Variants in SLC39A11 observed in about 807,000 individuals in gnomAD.
SLC39A11 encodes solute carrier family 39 member 11.
SLC39A11 carries 33 observed loss-of-function variants against 36.1 expected under a neutral mutation model. That is an observed-to-expected ratio of 0.91 (90% CI 0.69 to 1.22). SLC39A11 has a LOEUF of 1.22. SLC39A11 is among the 50% of genes most tolerant of loss of function. The probability of loss-of-function intolerance (pLI) is 0.00; values close to 1 mark genes in which losing one functional copy is unlikely to be tolerated. For missense variants in SLC39A11, 432 were observed against 430.3 expected (o/e 1.00, Z -0.03); for synonymous variants, 166 against 170.3 (o/e 0.97, Z 0.20).
intron 5 of SLC39A11, among the ~76,000 whole-genome samples, chr17:72,892,244 C>T (rs1376659571): frequency 9.1e-6 from 1 of 110,202 alleles, no homozygotes; most frequent in Non-Finnish European, 1.7e-5. Context: ...CCTGTCTCTA[C>T]TAAAAGTAAA....
intron 4 of SLC39A11, among the ~76,000 whole-genome samples, chr17:73,002,658 C>T (rs1266818404): frequency 1.3e-5 from 2 of 152,210 alleles, no homozygotes; most frequent in African/African-American, 2.4e-5. Context: ...ACTAAAGATG[C>T]AAACTGTGTG....
chr17:72,733,315 C>T (rs1478966049), intron 7 of SLC39A11, among the ~76,000 whole-genome samples: 3 of 152,214 alleles, frequency 2.0e-5, no homozygotes, highest in Non-Finnish European at 2.9e-5. Flanking sequence ...CTGATCTCAC[C>T]ATGTTACTGG....
intron 7 of SLC39A11, among the ~76,000 whole-genome samples, chr17:72,685,981 A>AGCTAT (rs1329203544): frequency 6.6e-6 from 1 of 151,828 alleles, no homozygotes; most frequent in African/African-American, 2.4e-5. Context: ...GATTGCAGTG[A>AGCTAT]GCTATGATCC....
In SLC39A11 at chr17:72,824,648, G is replaced by A. The variant is rs971180223; in HGVS notation, c.601+24986C>T. Among the ~76,000 whole-genome samples the A allele has an allele frequency of 4.0e-5, 6 of 151,246 alleles. 1 individual carries two copies. The highest frequency in any genetic ancestry group is 7.4e-5 in the Non-Finnish European group (5 of 67,542). ...GTGACCAAAATGCTGATAGTGATACGGACAATGAAGTCCAGGCTGAAGTGG... is the reference window on the plus strand; with the variant it reads ...GTGACCAAAATGCTGATAGTGATACAGACAATGAAGTCCAGGCTGAAGTGG... On this transcript the variant is annotated intron_variant, in intron 6 of 9. Coordinates refer to ENST00000255559, the MANE Select transcript of SLC39A11 (RefSeq NM_139177.4).
At chr17:72,753,132 A>G (rs1337586411) in intron 6 of SLC39A11, among the ~76,000 whole-genome samples, 2 of 152,246 alleles carry the variant, frequency 1.3e-5, no homozygotes, top group Non-Finnish European at 2.9e-5. Context: ...TGCTGGGATT[A>G]CAGGCATGAG....
chr17:72,978,571 G>A (rs2088042316), intron 4 of SLC39A11, among the ~76,000 whole-genome samples: 1 of 152,086 alleles, frequency 6.6e-6, no homozygotes, highest in Non-Finnish European at 1.5e-5. Flanking sequence ...CAGAGAAAAG[G>A]AATAGCAGAT....
At chr17:72,710,593 AC>A (rs1460116856) in intron 7 of SLC39A11, among the ~76,000 whole-genome samples, 1 of 152,222 alleles carries the variant, frequency 6.6e-6, no homozygotes, top group Admixed American at 6.5e-5. Context: ...TTGATCTTGG[AC>A]TTTACAGCCT....
chr17:73,037,926 C>G (rs1361261510), intron 3 of SLC39A11, among the ~76,000 whole-genome samples: 1 of 152,198 alleles, frequency 6.6e-6, no homozygotes, highest in African/African-American at 2.4e-5. Flanking sequence ...ATTTCAATAG[C>G]AAAAGAAAAC....
In SLC39A11 at chr17:72,848,084, C is replaced by T. The variant is rs148484368; in HGVS notation, c.601+1550G>A. 1.6e-4 allele frequency among the ~76,000 whole-genome samples: 25 copies of T among 152,302 alleles called. No individual in the cohort carries two copies. In the East Asian group the frequency reaches 3.1e-3, roughly 19 times the overall value. On this transcript the variant is annotated intron_variant, in intron 6 of 9. Coordinates refer to ENST00000255559, the MANE Select transcript of SLC39A11 (RefSeq NM_139177.4). Reference sequence around the variant, plus strand: ...AGGAGTATCATCGATGCCAACAATGCGCTCGTAAGTCCCAAGCACTGTACT... The same window carrying T: ...AGGAGTATCATCGATGCCAACAATGTGCTCGTAAGTCCCAAGCACTGTACT...
In SLC39A11 at chr17:72,959,925, C is replaced by T. The variant is rs191876397; in HGVS notation, c.307-12050G>A. Among the ~76,000 whole-genome samples, 229 of 152,268 alleles carry T rather than the reference C, an allele frequency of 1.5e-3. 2 individuals are homozygous for T. The highest frequency in any genetic ancestry group is 6.8e-3 in the Middle Eastern group (2 of 294). ...CACAATTTCCCAGAGTTCCCTGCTT[C>T]GTGAGATGCTCCAAGGGAAAGATTC... On this transcript the variant is annotated intron_variant, in intron 4 of 9. Transcript: ENST00000255559.
rs1397020487 is a variant in SLC39A11 at position 72,905,077 on chromosome 17, G to A, written c.430+42675C>T. Among the ~76,000 whole-genome samples, 4 of 145,300 alleles carry A rather than the reference G, an allele frequency of 2.8e-5. No individual in the cohort carries two copies. The East Asian group carries it at 8.6e-4, about 31-fold the overall frequency. Reference sequence around the variant, plus strand: ...AGTCCCAGCTACTTGGGAGGCTGAGGCAGAAGAATGGCATGAACCCGGGAA... The same window carrying A: ...AGTCCCAGCTACTTGGGAGGCTGAGACAGAAGAATGGCATGAACCCGGGAA... On this transcript the variant is annotated intron_variant, in intron 5 of 9. Coordinates refer to ENST00000255559, the MANE Select transcript of SLC39A11 (RefSeq NM_139177.4).
chr17:72,845,477 G>A (rs1039950235), intron 6 of SLC39A11, among the ~76,000 whole-genome samples: 1 of 152,196 alleles, frequency 6.6e-6, no homozygotes, highest in African/African-American at 2.4e-5. Context: ...CAAATTCAAG[G>A]ACATCTCAAG....
At chr17:73,045,386 TAAAAAAA>T (rs374832995) in intron 3 of SLC39A11, among the ~76,000 whole-genome samples, 5 of 41,704 alleles carry the variant, frequency 1.2e-4, no homozygotes, top group South Asian at 2.1e-3. Flanking sequence ...AAAACAGAGT[TAAAAAAA>T]AAAAAAAAAA....
intron 6 of SLC39A11, among the ~76,000 whole-genome samples, chr17:72,765,630 G>A (rs2075733291): frequency 6.6e-6 from 1 of 152,188 alleles, no homozygotes; most frequent in East Asian, 1.9e-4. Context: ...GGTCCAGGGA[G>A]CTGGGCTGGA....
intron 7 of SLC39A11, among the ~76,000 whole-genome samples, chr17:72,731,773 C>T (rs1354079709): frequency 6.6e-6 from 1 of 151,984 alleles, no homozygotes; most frequent in East Asian, 1.9e-4. Context: ...GTTGCCCAGG[C>T]TGGAATGCAA....
At chr17:72,862,522 T>C (rs1313191397) in intron 5 of SLC39A11, among the ~76,000 whole-genome samples, 1 of 152,114 alleles carries the variant, frequency 6.6e-6, no homozygotes, top group Non-Finnish European at 1.5e-5. Flanking sequence ...CTGTTCCTAC[T>C]TAGACAAGGA....
At chr17:73,060,389 A>G (rs564342314) in intron 3 of SLC39A11, among the ~76,000 whole-genome samples, 1 of 152,196 alleles carries the variant, frequency 6.6e-6, no homozygotes, top group Admixed American at 6.5e-5. Context: ...TAACTATAGA[A>G]AACTATTAAA....
At chr17:72,802,004 G>A (rs191706267) in intron 6 of SLC39A11, among the ~76,000 whole-genome samples, 3 of 152,284 alleles carry the variant, frequency 2.0e-5, no homozygotes, top group South Asian at 2.1e-4. Context: ...TAACAGTTCC[G>A]TAGAATCACT....
At chr17:72,683,933 G>C (rs944029086) in intron 7 of SLC39A11, among the ~76,000 whole-genome samples, 1 of 152,106 alleles carries the variant, frequency 6.6e-6, no homozygotes, top group Non-Finnish European at 1.5e-5. Flanking sequence ...GAATCACCCT[G>C]CCTGACCCTT....
Sources: gnomAD v4.1 joint callset for allele counts (sites outside exome capture counted in the v4.1 genomes callset) on GRCh38, gnomAD v4.1.1 for gene constraint, MANE v1.5 for transcripts, NCBI Gene and HGNC (gene_info 2026-07-23, HGNC 2026-07-21) for gene names.